Variants in RNF212B observed in about 807,000 individuals in gnomAD.
RNF212B encodes the protein E3 ubiquitin-protein ligase RNF212B.
Under a neutral mutation model 55.5 loss-of-function variants are expected in RNF212B, and 52 were observed. The observed-to-expected ratio is 0.94, with a 90% CI of 0.75 to 1.18. RNF212B has a LOEUF of 1.18. Ranked by LOEUF, RNF212B falls within the 50% of genes most tolerant of loss-of-function variation. The pLI is 0.00. For missense variants in RNF212B, 289 were observed against 350.4 expected (o/e 0.82, Z 1.40); for synonymous variants, 99 against 121.4 (o/e 0.82, Z 1.21).
At chr14:23,267,171 G>A (rs1885765685) in intron 11 of RNF212B, among the ~76,000 whole-genome samples, 2 of 151,962 alleles carry the variant, frequency 1.3e-5, no homozygotes, top group Non-Finnish European at 2.9e-5. Context: ...TTGTAGAGAC[G>A]AGGTCTCCCT....
chr14:23,270,192 C>T (rs1452232605), intron 13 of RNF212B, among the ~76,000 whole-genome samples: 1 of 152,156 alleles, frequency 6.6e-6, no homozygotes, highest in East Asian at 1.9e-4. Context: ...ACTATTTAGC[C>T]AGAAGGTTGG....
At chr14:23,187,805 C>T (rs2140351863) in intron 1 of RNF212B, among the ~76,000 whole-genome samples, 1 of 152,176 alleles carries the variant, frequency 6.6e-6, no homozygotes, top group South Asian at 2.1e-4. Flanking sequence ...AAATTAAAGC[C>T]AACTTTCTTC....
Position 23,268,974 on chromosome 14 carries a change from C to T in RNF212B, c.674+11C>T. Reference sequence around the variant, plus strand: ...TAGCCTATCTTATAGGTCAGTAACACTATGCTTCCTTTTTCTTGGGATGTG... The same window carrying T: ...TAGCCTATCTTATAGGTCAGTAACATTATGCTTCCTTTTTCTTGGGATGTG... On this transcript the variant is annotated intron_variant, in intron 12 of 14. Transcript: ENST00000430154. 6.5e-7 allele frequency: 1 copy of T among 1,547,410 alleles called. No individual in the cohort carries two copies. Among genetic ancestry groups the T allele is most frequent in the Admixed American group, 2.0e-5 (1 of 50,990 alleles).
At chr14:23,258,975 A>G (rs1289723673) in intron 5 of RNF212B, among the ~76,000 whole-genome samples, 1 of 151,756 alleles carries the variant, frequency 6.6e-6, no homozygotes, top group Non-Finnish European at 1.5e-5. Flanking sequence ...ACTTGAGGCC[A>G]GGAGAAGATC....
At chr14:23,217,433 T>G (rs948481867) in intron 2 of RNF212B, among the ~76,000 whole-genome samples, 1 of 152,208 alleles carries the variant, frequency 6.6e-6, no homozygotes, top group Non-Finnish European at 1.5e-5. Context: ...GGGAACTCGC[T>G]GCCCTGAAGA....
intron 2 of RNF212B, among the ~76,000 whole-genome samples, chr14:23,225,099 A>G (rs1483181198): frequency 6.6e-6 from 1 of 152,162 alleles, no homozygotes; most frequent in Non-Finnish European, 1.5e-5. Flanking sequence ...AAACACCTAC[A>G]ATAAGATATC....
upstream of RNF212B, among the ~76,000 whole-genome samples, chr14:23,233,210 A>G (rs1882842002): frequency 6.6e-6 from 1 of 152,178 alleles, no homozygotes; most frequent in Admixed American, 6.5e-5. Context: ...TGAAGGCAGC[A>G]TGCTGGTTAA....
At chr14:23,272,138 C>T (rs1886137572) in intron 14 of RNF212B, among the ~76,000 whole-genome samples, 1 of 152,036 alleles carries the variant, frequency 6.6e-6, no homozygotes, top group South Asian at 2.1e-4. Context: ...AAAATGTGGG[C>T]CAGGCGTGGT....
chr14:23,239,960 C>G (rs1462774106), intron 1 of RNF212B, among the ~76,000 whole-genome samples: 3 of 149,814 alleles, frequency 2.0e-5, no homozygotes, highest in African/African-American at 7.4e-5. Flanking sequence ...ATGTATTAAT[C>G]CAGAAAACCT....
Position 23,231,090 on chromosome 14 carries a change from A to G in RNF212B, c.-1-9255A>G, listed in dbSNP as rs191899734. Among the ~76,000 whole-genome samples the G allele has an allele frequency of 3.3e-5, 5 of 152,248 alleles. No individual in the cohort carries two copies. In the East Asian group the frequency reaches 9.6e-4, roughly 29 times the overall value. ...TTTTTTCCTTTTTAAGATTGTTTTG[A>G]CTATTCTAAGTTTTTTGAAATTTTA... On this transcript the variant is annotated intron_variant, in intron 2 of 15. Transcript: ENST00000399910.
chr14:23,264,229 G>C lies in RNF212B; in HGVS notation c.580G>C (p.Gly194Arg). 6.5e-7 allele frequency: 1 copy of C among 1,547,482 alleles called. No homozygotes were observed. ...PYREAGFGSL[G>R]QGGRGLQGRR... Reference sequence around the variant, plus strand: ...TAGAGAGGCTGGCTTTGGTAGCTTGGGACAAGTAAGTAATGTTCACCTTAT... The same window carrying C: ...TAGAGAGGCTGGCTTTGGTAGCTTGCGACAAGTAAGTAATGTTCACCTTAT... Residue 194 changes from glycine (G) to arginine (R), a missense_variant, in exon 10 of 15, where the codon GGA becomes CGA. Gly to Arg is a moderately radical substitution (Grantham distance 125). Transcript: ENST00000430154.
intron 2 of RNF212B, among the ~76,000 whole-genome samples, chr14:23,216,805 G>A (rs1881116045): frequency 7.5e-6 from 1 of 133,914 alleles, no homozygotes; most frequent in South Asian, 2.5e-4. Flanking sequence ...GCTCAAGCCT[G>A]GGGAACAGAG....
intron 2 of RNF212B, among the ~76,000 whole-genome samples, chr14:23,213,634 G>A (rs995833480): frequency 1.3e-5 from 2 of 152,288 alleles, no homozygotes; most frequent in East Asian, 1.9e-4. Flanking sequence ...CTGGAAAGGT[G>A]TCAGTGGGAC....
chr14:23,211,653 A>G (rs1161322106), intron 2 of RNF212B, among the ~76,000 whole-genome samples: 1 of 152,248 alleles, frequency 6.6e-6, no homozygotes, highest in Non-Finnish European at 1.5e-5. Context: ...AATTTATCCC[A>G]GGAACACATA....
intron 2 of RNF212B, among the ~76,000 whole-genome samples, 186 bp downstream of exon 2, chr14:23,240,631 A>G (rs178772): frequency 0.088 from 13,425 of 152,256 alleles, 1,292 homozygotes; most frequent in African/African-American, 0.24. Context: ...GTCCTAAATT[A>G]TTTAGCAAAT....
At chr14:23,206,944 AAAC>A (rs148386923) in intron 2 of RNF212B, among the ~76,000 whole-genome samples, 11,918 of 152,036 alleles carry the variant, frequency 0.078, 1,562 homozygotes, top group African/African-American at 0.27. Context: ...TAGAAGAGAA[AAAC>A]AACAACAACA....
chr14:23,208,896 C>T (rs1250826860), intron 2 of RNF212B, among the ~76,000 whole-genome samples: 3 of 150,202 alleles, frequency 2.0e-5, no homozygotes, highest in Admixed American at 1.3e-4. Context: ...GTAGTTGGGA[C>T]TACAGGTGCC....
upstream of RNF212B, among the ~76,000 whole-genome samples, chr14:23,233,635 G>A (rs1362993235): frequency 6.7e-6 from 1 of 149,990 alleles, no homozygotes; most frequent in South Asian, 2.1e-4. Context: ...CCAGCCACTC[G>A]GGAGGCTGAG....
At chr14:23,189,899 T>C (rs1190902260) in intron 1 of RNF212B, among the ~76,000 whole-genome samples, 1 of 152,136 alleles carries the variant, frequency 6.6e-6, no homozygotes, top group African/African-American at 2.4e-5. Context: ...TACTTCCTCA[T>C]CTCCATTGGT....
Sources: allele counts gnomAD v4.1 joint callset (sites outside exome capture counted in the v4.1 genomes callset), GRCh38; gene constraint gnomAD v4.1.1; transcripts MANE v1.5; gene names NCBI Gene and HGNC (gene_info 2026-07-23, HGNC 2026-07-21).